Variants in RERE observed in about 807,000 individuals in gnomAD.
RERE encodes the protein arginine-glutamic acid dipeptide repeats.
A neutral mutation model predicts 146.1 loss-of-function variants in RERE; 40 were observed. That is an observed-to-expected ratio of 0.27 (90% CI 0.21 to 0.36). The LOEUF is 0.36. Among genes scored for constraint, RERE ranks in the 10% least tolerant of loss-of-function variants. RERE has a pLI of 1.00. For missense variants in RERE, 1,933 were observed against 2,138.7 expected (o/e 0.90, Z 1.90); for synonymous variants, 1,003 against 866.0 (o/e 1.16, Z -2.78).
intron 1 of RERE, among the ~76,000 whole-genome samples, chr1:8,672,351 T>C (rs1638737961): frequency 6.6e-6 from 1 of 152,106 alleles, no homozygotes; most frequent in Non-Finnish European, 1.5e-5. Flanking sequence ...GTTTCCTTAA[T>C]TTCTGTAGAG....
chr1:8,491,135 T>A (rs1049367415), intron 10 of RERE, among the ~76,000 whole-genome samples: 10 of 150,554 alleles, frequency 6.6e-5, no homozygotes, highest in Non-Finnish European at 1.5e-5. Context: ...AGACATCATC[T>A]CTGCAAGTAA....
chr1:8,610,634 A>G (rs1271423252), intron 4 of RERE, among the ~76,000 whole-genome samples: 1 of 152,164 alleles, frequency 6.6e-6, no homozygotes, highest in African/African-American at 2.4e-5. Context: ...CAGAATTTGT[A>G]TAATTCAAGT....
At chr1:8,568,936 T>A (rs1646184935) in intron 4 of RERE, among the ~76,000 whole-genome samples, 1 of 152,158 alleles carries the variant, frequency 6.6e-6, no homozygotes, top group Admixed American at 6.5e-5. Flanking sequence ...ATACTAAATG[T>A]CAGATTCAGC....
chr1:8,793,034 G>A (rs1408256943), intron 1 of RERE, among the ~76,000 whole-genome samples: 6 of 151,728 alleles, frequency 4.0e-5, no homozygotes, highest in African/African-American at 1.2e-4. Flanking sequence ...GCGGGCGCCT[G>A]TAATCTCAGC....
In RERE at chr1:8,606,944, T is replaced by C. The variant is rs574007274; in HGVS notation, c.522+7617A>G. Reference sequence around the variant, plus strand: ...CAGGCACCAGGCATAATAATTTATATAGACTCTAAAAAAGGATTAACTTTA... The same window carrying C: ...CAGGCACCAGGCATAATAATTTATACAGACTCTAAAAAAGGATTAACTTTA... On this transcript the variant is annotated intron_variant, in intron 4 of 22. Transcript: ENST00000400908. 2.6e-3 allele frequency among the ~76,000 whole-genome samples: 403 copies of C among 152,326 alleles called. 2 individuals are homozygous for C. The highest frequency in any genetic ancestry group is 9.2e-3 in the African/African-American group (383 of 41,570).
intron 12 of RERE, among the ~76,000 whole-genome samples, chr1:8,402,468 T>C (rs910521273): frequency 5.9e-5 from 9 of 152,166 alleles, no homozygotes; most frequent in East Asian, 1.9e-4. Context: ...ATGGAATCCA[T>C]AAACAGAACA....
At chr1:8,734,781 T>C (rs1051634995) in intron 1 of RERE, among the ~76,000 whole-genome samples, 2 of 152,218 alleles carry the variant, frequency 1.3e-5, no homozygotes, top group African/African-American at 4.8e-5. Context: ...TATGAACTAC[T>C]GGAATTTTCA....
intron 12 of RERE, among the ~76,000 whole-genome samples, chr1:8,392,833 C>T (rs186625703): frequency 6.6e-6 from 1 of 152,178 alleles, no homozygotes; most frequent in Non-Finnish European, 1.5e-5. Flanking sequence ...TTCAGCTCTT[C>T]GTGAAGCAGC....
At position 8,362,823 on chromosome 1, in the gene RERE, G is replaced by A. The variant is rs1641641189; in HGVS notation, c.1762C>T (p.Arg588Trp). ...TCAGGGCTGGCTGGCTGCTTCTTCC[G>A]ACCACTGCGTAGTGTCGACATCTGC... ...RGSMSTLRSG[R>W]KKQPASPDGR... The change falls in exon 16 of 23, where the codon CGG becomes TGG. Residue 588 changes from arginine (R) to tryptophan (W), a missense_variant. By Grantham distance (101) the Arg-to-Trp change is moderately radical. This residue lies in a region of RERE where 1,255 missense variants were observed against 1,153.8 expected (regional missense o/e 1.09). Coordinates refer to ENST00000400908, the MANE Select transcript of RERE (RefSeq NM_001042681.2). The A allele has an allele frequency of 5.6e-6, 9 of 1,613,604 alleles. No homozygotes were observed. Among genetic ancestry groups the A allele is most frequent in the Non-Finnish European group, 6.8e-6 (8 of 1,179,852 alleles).
chr1:8,369,884 G>A (rs1641966757), intron 12 of RERE, among the ~76,000 whole-genome samples: 1 of 152,078 alleles, frequency 6.6e-6, no homozygotes, highest in Admixed American at 6.5e-5. Context: ...CCGCCTCCCG[G>A]GTTCACGCCA....
intron 1 of RERE, among the ~76,000 whole-genome samples, chr1:8,802,114 G>GA (rs1244322589): frequency 6.6e-6 from 1 of 152,094 alleles, no homozygotes; most frequent in African/African-American, 2.4e-5. Context: ...TATTTCATTT[G>GA]AACACATGAA....
At chr1:8,735,572 C>G (rs1640178165) in intron 1 of RERE, among the ~76,000 whole-genome samples, 1 of 152,132 alleles carries the variant, frequency 6.6e-6, no homozygotes, top group Non-Finnish European at 1.5e-5. Context: ...CCACCATATT[C>G]CATAATAATA....
intron 12 of RERE, among the ~76,000 whole-genome samples, chr1:8,399,799 CTT>C (rs145205035): frequency 1.3e-5 from 2 of 148,574 alleles, no homozygotes; most frequent in South Asian, 2.1e-4. Context: ...TTTATTATGT[CTT>C]TTTTTAAAAA....
At position 8,707,849 on chromosome 1, in the gene RERE, G is replaced by A. The variant is rs570438368; in HGVS notation, c.-144-51408C>T. Among the ~76,000 whole-genome samples, 3 of 152,244 alleles carry A rather than the reference G, an allele frequency of 2.0e-5. No homozygotes were observed. The Middle Eastern group carries it at 0.01, about 518-fold the overall frequency. ...TTTATCCACAGTTTCGCTTTCCAAGGCTTCAGTTACCCTGAGTCAACTACA... is the reference window on the plus strand; with the variant it reads ...TTTATCCACAGTTTCGCTTTCCAAGACTTCAGTTACCCTGAGTCAACTACA... On this transcript the variant is annotated intron_variant, in intron 1 of 22. Transcript: ENST00000400908.
At chr1:8,772,854 TGA>T (rs1640979933) in intron 1 of RERE, among the ~76,000 whole-genome samples, 1 of 151,846 alleles carries the variant, frequency 6.6e-6, no homozygotes, top group Non-Finnish European at 1.5e-5. Context: ...TTTGGAAGGC[TGA>T]GGCAGGTGGA....
Position 8,467,469 on chromosome 1 carries a change from T to C in RERE, c.1105-1446A>G, listed in dbSNP as rs112309928. On this transcript the variant is annotated intron_variant, in intron 10 of 22. Transcript: ENST00000400908. ...TTCTAACAGAAGACTCCGGAGGACA[T>C]GCAGATGCCTTCCTGGCAACTGCTG... 8.7e-3 allele frequency among the ~76,000 whole-genome samples: 1,322 copies of C among 152,300 alleles called. 7 individuals are homozygous for C. Among genetic ancestry groups the C allele is most frequent in the Non-Finnish European group, 0.014 (921 of 68,022 alleles).
At chr1:8,479,834 T>C (rs1329523196) in intron 10 of RERE, among the ~76,000 whole-genome samples, 1 of 152,226 alleles carries the variant, frequency 6.6e-6, no homozygotes, top group Non-Finnish European at 1.5e-5. Context: ...ACAAATACAC[T>C]AACCTTCAAA....
intron 4 of RERE, among the ~76,000 whole-genome samples, chr1:8,571,227 A>G (rs750844547): frequency 5.3e-5 from 8 of 152,214 alleles, no homozygotes; most frequent in Non-Finnish European, 1.0e-4. Context: ...CTTTAAGAAA[A>G]AGAAAGATAT....
At chr1:8,790,545 C>T (rs896782401) in intron 1 of RERE, among the ~76,000 whole-genome samples, 3 of 152,104 alleles carry the variant, frequency 2.0e-5, no homozygotes, top group Non-Finnish European at 4.4e-5. Flanking sequence ...TTTTTCAAAT[C>T]CTTCATATAG....
Sources: gnomAD v4.1 joint callset for allele counts (sites outside exome capture counted in the v4.1 genomes callset) on GRCh38, gnomAD v4.1.1 for gene constraint, gnomAD v4.1.1 regional missense constraint, MANE v1.5 for transcripts, NCBI Gene and HGNC (gene_info 2026-07-23, HGNC 2026-07-21) for gene names.